The following ENPP1 variants were observed in gnomAD, a reference collection of about 807,000 sequenced individuals.
ENPP1 encodes ectonucleotide pyrophosphatase/phosphodiesterase family member 1.
Under a neutral mutation model 122.8 loss-of-function variants are expected in ENPP1, and 73 were observed. That is an observed-to-expected ratio of 0.59 (90% CI 0.49 to 0.72). The LOEUF (loss-of-function observed/expected upper bound fraction) is 0.72, where lower values mean the gene tolerates loss of function less well. Among genes scored for constraint, ENPP1 ranks in the 30% least tolerant of loss-of-function variants. The pLI is 0.00. For synonymous variants in ENPP1, 367 were observed against 391.6 expected (o/e 0.94, Z 0.74); for missense variants, 978 against 1,128.1 (o/e 0.87, Z 1.91).
chr6:131,833,407 A>G (rs1781636784), intron 1 of ENPP1, among the ~76,000 whole-genome samples: 1 of 151,696 alleles, frequency 6.6e-6, no homozygotes, highest in Non-Finnish European at 1.5e-5. Flanking sequence ...CTTGATTTTT[A>G]TACCCTATTA....
At chr6:131,862,333 A>G (rs2054695521) in intron 9 of ENPP1, among the ~76,000 whole-genome samples, 1 of 152,160 alleles carries the variant, frequency 6.6e-6, no homozygotes, top group Non-Finnish European at 1.5e-5. Flanking sequence ...GGAGTACTGC[A>G]CATCTTAACT....
chr6:131,848,646 T>C (rs529942825), intron 2 of ENPP1, among the ~76,000 whole-genome samples: 3 of 152,338 alleles, frequency 2.0e-5, no homozygotes, highest in East Asian at 1.9e-4. Context: ...TTACAGACTT[T>C]AGTGTTTACC....
Position 131,883,695 on chromosome 6 carries a change from AC to A in ENPP1, c.2233del (p.Leu745Ter). The A allele has an allele frequency of 7.4e-7, 1 of 1,350,076 alleles. No individual in the cohort carries two copies. The highest frequency in any genetic ancestry group is 1.1e-6 in the Non-Finnish European group (1 of 940,270). The allele number at this position is 1,350,076 out of a possible 1,614,324, so 83.6% of individuals were successfully genotyped here. On this transcript the variant is annotated frameshift_variant and splice_region_variant, in exon 22 of 25. Coordinates refer to ENST00000647893, the MANE Select transcript of ENPP1 (RefSeq NM_006208.3). LOFTEE classifies it high-confidence loss of function. Reference sequence around the variant, plus strand: ...AGTTGTCCTCTTTTCTCTTTGTAGAACTAAATAAAAATTCAAGTGGAATATA... The same window carrying A: ...AGTTGTCCTCTTTTCTCTTTGTAGAATAAATAAAAATTCAAGTGGAATATA... The part of the protein sequence containing the change: ...VSYGFLSPPQ[L>X]NKNSSGIYSE...
At chr6:131,854,145 C>T (rs996691732) in intron 5 of ENPP1, among the ~76,000 whole-genome samples, 1 of 152,056 alleles carries the variant, frequency 6.6e-6, no homozygotes, top group Admixed American at 6.6e-5. Flanking sequence ...TGGCTCACAC[C>T]TGTAATCCTA....
At chr6:131,827,790 C>T in intron 1 of ENPP1, 1 of 884,750 alleles carries the variant, frequency 1.1e-6, no homozygotes, top group Non-Finnish European at 1.9e-6. Context: ...AAGCCCGCTG[C>T]AGGTGGGGCA....
chr6:131,860,564 G>A (rs1055464353), intron 8 of ENPP1, 58 bp downstream of exon 8: 1 of 1,339,306 alleles, frequency 7.5e-7, no homozygotes, highest in Non-Finnish European at 1.1e-6. Flanking sequence ...TTCAATCAGA[G>A]TAAAATAACC....
intron 1 of ENPP1, among the ~76,000 whole-genome samples, chr6:131,810,541 A>G (rs1307467643): frequency 6.8e-6 from 1 of 146,838 alleles, no homozygotes; most frequent in Non-Finnish European, 1.5e-5. Flanking sequence ...GCTCTGGGAT[A>G]TGTCTTCTAG....
chr6:131,888,398 ATT>A (rs1223021653), intron 24 of ENPP1, among the ~76,000 whole-genome samples: 1 of 151,964 alleles, frequency 6.6e-6, no homozygotes, highest in East Asian at 1.9e-4. Context: ...GTATCCACTC[ATT>A]CATTCACTAC....
chr6:131,884,837 A>T, intron 22 of ENPP1, 94 bp from the exon 23 acceptor site: 2 of 1,405,372 alleles, frequency 1.4e-6, no homozygotes, highest in Admixed American at 3.4e-5. Context: ...TATTTACTAT[A>T]AATGCTAATT....
At position 131,847,835 on chromosome 6, in the gene ENPP1, C is replaced by T; in HGVS notation, c.300C>T (p.Ser100=). 1 of 1,606,880 alleles carries T rather than the reference C, an allele frequency of 6.2e-7. No homozygotes were observed. Among genetic ancestry groups the T allele is most frequent in the Non-Finnish European group, 8.5e-7 (1 of 1,176,038 alleles). The change falls in exon 2 of 25, where the codon AGC becomes AGT. Residue 100 remains serine (S), a synonymous_variant. Coordinates refer to ENST00000647893, the MANE Select transcript of ENPP1 (RefSeq NM_006208.3). ...ILGCIFGLKP[S]CAKEVKSCKG... The stretch of plus-strand genomic sequence containing the variant: ...GTTGTATATTTGGGTTGAAACCAAG[C>T]TGTGCCAAAGAAGGTAATTAGGTGT...
At position 131,882,455 on chromosome 6, in the gene ENPP1, C is replaced by T. The variant is rs376128399; in HGVS notation, c.2211C>T (p.Tyr737=). The T allele has an allele frequency of 2.7e-5, 43 of 1,608,128 alleles. No individual in the cohort carries two copies. The highest frequency in any genetic ancestry group is 3.3e-4 in the Middle Eastern group (2 of 6,024). ...SFYKNNTKVS[Y]GFLSPPQLNK... is the part of the protein sequence containing the mutation. ...ATAAAAATAACACCAAAGTGAGTTA[C>T]GGGTTCCTCTCCCCACCACGTAAGT... The change falls in exon 21 of 25, where the codon TAC becomes TAT. Residue 737 remains tyrosine, a synonymous_variant. Transcript: ENST00000647893.
intron 1 of ENPP1, among the ~76,000 whole-genome samples, chr6:131,843,387 A>G (rs1331775534): frequency 6.6e-6 from 1 of 152,190 alleles, no homozygotes; most frequent in Admixed American, 6.5e-5. Context: ...TGAAGAGGTG[A>G]TTTTTAAAAG....
chr6:131,893,553 A>G lies in ENPP1; in HGVS notation c.*3042A>G, dbSNP rs889245052. On this transcript the variant is annotated 3_prime_UTR_variant, in exon 25 of 25. Coordinates refer to ENST00000647893, the MANE Select transcript of ENPP1 (RefSeq NM_006208.3). ...CCATTTACAGCTACTTATATTTTCT[A>G]CAAGTGTCACTGTGACCAACTTATG... The G allele has an allele frequency of 7.9e-5, 12 of 152,230 alleles. No individual in the cohort carries two copies. The highest frequency in any genetic ancestry group is 2.7e-4 in the African/African-American group (11 of 41,464). 9.4% of individuals were successfully genotyped at this position (152,230 alleles called of 1,614,324 possible). A position where few individuals can be genotyped will look rare whatever the true frequency, so the allele number is the denominator to read the frequency against.
intron 5 of ENPP1, 141 bp downstream of exon 5, chr6:131,852,376 T>C (rs1781893330): frequency 1.5e-6 from 1 of 649,848 alleles, no homozygotes; most frequent in African/African-American, 1.8e-5. Flanking sequence ...ATCCAAAATG[T>C]TTGGTATGAG....
intron 20 of ENPP1, among the ~76,000 whole-genome samples, chr6:131,880,754 C>G (rs1782294147): frequency 6.6e-6 from 1 of 151,334 alleles, no homozygotes; most frequent in Admixed American, 6.6e-5. Context: ...TAAGGGGGCC[C>G]TCACTGTTTG....
At chr6:131,847,414 C>A (rs1781823302) in intron 1 of ENPP1, among the ~76,000 whole-genome samples, 1 of 152,090 alleles carries the variant, frequency 6.6e-6, no homozygotes, top group African/African-American at 2.4e-5. Flanking sequence ...GTATACAAAT[C>A]ACAAGTGTAT....
At chr6:131,815,031 A>T (rs557775539) in intron 1 of ENPP1, among the ~76,000 whole-genome samples, 16 of 152,334 alleles carry the variant, frequency 1.1e-4, no homozygotes, top group African/African-American at 3.8e-4. Context: ...GATGGTCAGG[A>T]ATCCACATAG....
intron 1 of ENPP1, chr6:131,826,124 CA>C: frequency 2.4e-6 from 2 of 826,826 alleles, no homozygotes; most frequent in Non-Finnish European, 4.3e-6. Context: ...AGGTAATTTC[CA>C]ATGAACTCCA....
chr6:131,847,732 T>A, intron 1 of ENPP1, 44 bp from the exon 2 acceptor site: 1 of 1,353,908 alleles, frequency 7.4e-7, no homozygotes, highest in South Asian at 1.2e-5. Flanking sequence ...GATAAAATAT[T>A]TTTTAAAAAA....
Sources: allele counts gnomAD v4.1 joint callset (sites outside exome capture counted in the v4.1 genomes callset), GRCh38; gene constraint gnomAD v4.1.1; transcripts MANE v1.5; gene names NCBI Gene and HGNC (gene_info 2026-07-23, HGNC 2026-07-21).